The following RANBP17 variants were observed in gnomAD, a reference collection of about 807,000 sequenced individuals.
RANBP17 encodes the protein ran-binding protein 17.
Under a neutral mutation model 141.2 loss-of-function variants are expected in RANBP17, and 158 were observed. The observed-to-expected ratio is 1.12, with a 90% confidence interval of 0.98 to 1.28. RANBP17 has a LOEUF of 1.28. Among genes scored for constraint, RANBP17 ranks in the 50% most tolerant of loss-of-function variants. The pLI is 0.00. For missense variants in RANBP17, 1,438 were observed against 1,290.7 expected (o/e 1.11, Z -1.75); for synonymous variants, 430 against 450.0 (o/e 0.96, Z 0.56).
At chr5:171,232,009 T>C (rs1485993955) in intron 22 of RANBP17, among the ~76,000 whole-genome samples, 1 of 152,214 alleles carries the variant, frequency 6.6e-6, no homozygotes, top group Non-Finnish European at 1.5e-5. Flanking sequence ...AAATTATCTT[T>C]TAAGATTACC....
At chr5:171,150,261 T>G (rs1421378186) in intron 14 of RANBP17, among the ~76,000 whole-genome samples, 1 of 152,148 alleles carries the variant, frequency 6.6e-6, no homozygotes, top group Non-Finnish European at 1.5e-5. Context: ...TTAGGTGCAA[T>G]GTGTTAAATA....
chr5:171,214,046 A>G (rs1259711407), intron 21 of RANBP17, among the ~76,000 whole-genome samples: 1 of 152,232 alleles, frequency 6.6e-6, no homozygotes, highest in Admixed American at 6.5e-5. Flanking sequence ...TAACTATTTC[A>G]GTGCTTAAAT....
At chr5:171,167,642 T>C (rs1759794816) in intron 14 of RANBP17, among the ~76,000 whole-genome samples, 1 of 152,316 alleles carries the variant, frequency 6.6e-6, no homozygotes, top group South Asian at 2.1e-4. Context: ...ATTTTCATCT[T>C]TGTTAAACAA....
chr5:171,252,566 CCA>C lies in RANBP17; in HGVS notation c.2776+9747_2776+9748del, dbSNP rs1216789557. The C allele has an allele frequency of 3.7e-6, 5 of 1,369,644 alleles. No individual in the cohort carries two copies. In the African/African-American group the frequency reaches 5.7e-5, roughly 16 times the overall value. 84.8% of individuals were successfully genotyped at this position (1,369,644 alleles called of 1,614,324 possible). On this transcript the variant is annotated intron_variant, in intron 24 of 27. Transcript: ENST00000523189. Reference sequence around the variant, plus strand: ...AAACGGAGGAAAGTTTAAAAACTGCCCATGATTCTAGCTCCACACCTGAAGAG... The same window carrying C: ...AAACGGAGGAAAGTTTAAAAACTGCCTGATTCTAGCTCCACACCTGAAGAG...
At chr5:171,186,526 CTTT>C (rs757585137) in intron 18 of RANBP17, among the ~76,000 whole-genome samples, 163 of 41,628 alleles carry the variant, frequency 3.9e-3, no homozygotes, top group African/African-American at 0.013. Flanking sequence ...GTATGATTTT[CTTT>C]TTTTTTTTTT....
intron 3 of RANBP17, among the ~76,000 whole-genome samples, chr5:170,890,080 TTAAATG>T (rs1292281029): frequency 6.6e-6 from 1 of 152,192 alleles, no homozygotes; most frequent in East Asian, 1.9e-4. Flanking sequence ...GTATCTAGCT[TTAAATG>T]TGAAACTTGG....
intron 14 of RANBP17, among the ~76,000 whole-genome samples, chr5:171,069,669 G>C (rs1326719616): frequency 6.6e-6 from 1 of 152,082 alleles, no homozygotes; most frequent in Non-Finnish European, 1.5e-5. Context: ...GTTTGTGTTA[G>C]GTGCTTTTGC....
chr5:171,248,793 A>G (rs973646099), intron 24 of RANBP17, among the ~76,000 whole-genome samples: 1 of 152,102 alleles, frequency 6.6e-6, no homozygotes, highest in Non-Finnish European at 1.5e-5. Flanking sequence ...GTGTCCACCC[A>G]GAGAGCTGCA....
chr5:171,020,361 G>T (rs1039100214), intron 14 of RANBP17, among the ~76,000 whole-genome samples: 5 of 152,150 alleles, frequency 3.3e-5, no homozygotes, highest in Non-Finnish European at 7.3e-5. Flanking sequence ...AAAATTGACA[G>T]TGGGGTGTTA....
chr5:170,987,344 A>G (rs537988015), intron 14 of RANBP17, among the ~76,000 whole-genome samples: 1 of 151,676 alleles, frequency 6.6e-6, no homozygotes, highest in South Asian at 2.1e-4. Context: ...TACTGAATAA[A>G]TATATCATAA....
intron 19 of RANBP17, among the ~76,000 whole-genome samples, chr5:171,201,751 T>A (rs1031892806): frequency 9.2e-5 from 14 of 152,226 alleles, no homozygotes; most frequent in African/African-American, 3.4e-4. Context: ...AAAAACTAAA[T>A]CTGTTGCTTT....
At chr5:171,047,186 A>G (rs975847928) in intron 14 of RANBP17, among the ~76,000 whole-genome samples, 6 of 151,024 alleles carry the variant, frequency 4.0e-5, no homozygotes, top group African/African-American at 1.5e-4. Flanking sequence ...CCAGCTAATT[A>G]TTTGTATTTT....
intron 20 of RANBP17, among the ~76,000 whole-genome samples, chr5:171,211,570 A>G (rs1762890607): frequency 6.6e-6 from 1 of 151,596 alleles, no homozygotes. Context: ...CTTTCTTTGA[A>G]GTACTTTCTA....
chr5:171,114,869 T>C (rs1276697412), intron 14 of RANBP17, among the ~76,000 whole-genome samples: 1 of 151,878 alleles, frequency 6.6e-6, no homozygotes. Flanking sequence ...ATCCTATCGC[T>C]TTGGGAAGCC....
chr5:170,982,057 G>A (rs949755152), intron 14 of RANBP17, among the ~76,000 whole-genome samples: 1 of 152,172 alleles, frequency 6.6e-6, no homozygotes, highest in Admixed American at 6.5e-5. Flanking sequence ...GTTTGAACAG[G>A]AGGTTCTAGG....
At chr5:170,957,528 G>GT (rs1166629570) in intron 13 of RANBP17, among the ~76,000 whole-genome samples, 3 of 152,156 alleles carry the variant, frequency 2.0e-5, no homozygotes, top group African/African-American at 7.2e-5. Context: ...AAAAATTTGA[G>GT]TTTTGTGTTG....
chr5:171,218,414 T>C (rs191736406), intron 21 of RANBP17, among the ~76,000 whole-genome samples: 8 of 152,352 alleles, frequency 5.3e-5, no homozygotes, highest in Middle Eastern at 6.8e-3. Context: ...GTTTACTTGG[T>C]CCAGAGCTGA....
intron 3 of RANBP17, among the ~76,000 whole-genome samples, chr5:170,891,866 A>C (rs746848347): frequency 3.9e-5 from 6 of 152,168 alleles, no homozygotes; most frequent in Non-Finnish European, 7.4e-5. Flanking sequence ...TTCTGCATTC[A>C]CCTAGCATTT....
intron 21 of RANBP17, among the ~76,000 whole-genome samples, chr5:171,219,034 T>A (rs1371518606): frequency 6.6e-6 from 1 of 151,150 alleles, no homozygotes; most frequent in African/African-American, 2.4e-5. Context: ...GTGGCTGGTT[T>A]TTCCTTTCCA....
Sources: gnomAD v4.1 joint callset for allele counts (sites outside exome capture counted in the v4.1 genomes callset) on GRCh38, gnomAD v4.1.1 for gene constraint, MANE v1.5 for transcripts, NCBI Gene and HGNC (gene_info 2026-07-23, HGNC 2026-07-21) for gene names.